The following ULK4 variants were observed in gnomAD, a reference collection of about 807,000 sequenced individuals.
The protein encoded by ULK4 is inactive serine/threonine-protein kinase ULK4.
Under a neutral mutation model 160.6 loss-of-function variants are expected in ULK4, and 133 were observed. That is an observed-to-expected ratio of 0.83 (90% CI 0.72 to 0.96). The LOEUF is 0.96. ULK4 is among the 40% of genes least tolerant of loss of function. The pLI is 0.00. For missense variants in ULK4, 1,580 were observed against 1,499.5 expected, an observed-to-expected ratio of 1.05 and a Z score of -0.89; for synonymous variants, 534 against 539.8, an observed-to-expected ratio of 0.99 and a Z score of 0.15.
intron 21 of ULK4, 56 bp from the exon 22 acceptor site, chr3:41,754,544 C>A: frequency 6.4e-7 from 1 of 1,568,100 alleles, no homozygotes; most frequent in Non-Finnish European, 8.7e-7. Context: ...AGGGCAGTCT[C>A]AATTCTCAGA....
chr3:41,594,749 T>TCAAATCTAG (rs1227632584), intron 31 of ULK4, among the ~76,000 whole-genome samples: 1 of 151,992 alleles, frequency 6.6e-6, no homozygotes, highest in Non-Finnish European at 1.5e-5. Flanking sequence ...TGTAAGAAAA[T>TCAAATCTAG]CAAATCTAGC....
intron 31 of ULK4, among the ~76,000 whole-genome samples, chr3:41,569,734 C>T (rs978561636): frequency 2.6e-5 from 4 of 152,092 alleles, no homozygotes; most frequent in Admixed American, 1.3e-4. Flanking sequence ...AAAGCTTGAT[C>T]TATGCTATCA....
intron 32 of ULK4, among the ~76,000 whole-genome samples, chr3:41,482,387 G>C (rs1210502725): frequency 6.6e-6 from 1 of 152,202 alleles, no homozygotes; most frequent in Non-Finnish European, 1.5e-5. Flanking sequence ...GGACAGGGGA[G>C]CCAGAAGCTG....
chr3:41,520,219 C>T (rs2125930904), intron 32 of ULK4, among the ~76,000 whole-genome samples: 1 of 152,160 alleles, frequency 6.6e-6, no homozygotes, highest in East Asian at 1.9e-4. Context: ...CCCCATTCTC[C>T]CTCCCCCCAG....
In ULK4 at chr3:41,810,243, G is replaced by A. The variant is rs370385317; in HGVS notation, c.1848+9180C>T. On this transcript the variant is annotated intron_variant, in intron 19 of 36. Transcript: ENST00000301831. ...TTCATTTGTTTTATTTCTTTCATGT[G>A]TCATTATTAAATCATTTAAGGCTAT... 3.3e-5 allele frequency among the ~76,000 whole-genome samples: 5 copies of A among 152,238 alleles called. No individual in the cohort carries two copies. In the East Asian group the frequency reaches 7.7e-4, roughly 23 times the overall value.
intron 34 of ULK4, among the ~76,000 whole-genome samples, chr3:41,436,631 T>C (rs1354367734): frequency 6.6e-6 from 1 of 152,186 alleles, no homozygotes; most frequent in Non-Finnish European, 1.5e-5. Flanking sequence ...GTCAATCAGC[T>C]GTACTGGGTT....
chr3:41,305,757 T>C, intron 35 of ULK4, among the ~76,000 whole-genome samples: 1 of 115,106 alleles, frequency 8.7e-6, no homozygotes, highest in Non-Finnish European at 1.6e-5. Context: ...CCGGCCGCCG[T>C]CCCACCTAGG....
intron 17 of ULK4, among the ~76,000 whole-genome samples, chr3:41,842,694 T>C (rs2041964584): frequency 6.6e-6 from 1 of 152,242 alleles, no homozygotes; most frequent in Admixed American, 6.5e-5. Context: ...AAGCAGATGC[T>C]GGCACCATGC....
chr3:41,654,541 T>C (rs2034860344), intron 30 of ULK4, among the ~76,000 whole-genome samples: 1 of 152,164 alleles, frequency 6.6e-6, no homozygotes, highest in African/African-American at 2.4e-5. Context: ...ACACCAATAA[T>C]ACATGCTGGG....
chr3:41,314,066 C>T (rs150578858), intron 35 of ULK4, among the ~76,000 whole-genome samples: 1 of 152,266 alleles, frequency 6.6e-6, no homozygotes, highest in Non-Finnish European at 1.5e-5. Context: ...TTCCAACCCC[C>T]CAGTCTTTGA....
chr3:41,269,641 A>C (rs2079104074), intron 35 of ULK4, among the ~76,000 whole-genome samples: 1 of 152,250 alleles, frequency 6.6e-6, no homozygotes, highest in African/African-American at 2.4e-5. Flanking sequence ...CAATGTATAA[A>C]GATGCAAATT....
chr3:41,812,564 G>T (rs528135870), intron 19 of ULK4, among the ~76,000 whole-genome samples: 4 of 152,208 alleles, frequency 2.6e-5, no homozygotes, highest in African/African-American at 9.6e-5. Flanking sequence ...GGAATCAAAA[G>T]ATGGGAATTT....
chr3:41,495,596 A>G (rs574099348), intron 32 of ULK4, among the ~76,000 whole-genome samples: 171 of 150,780 alleles, frequency 1.1e-3, no homozygotes, highest in African/African-American at 3.7e-3. Flanking sequence ...ATTGAACTAA[A>G]GAGCTTCTGC....
At chr3:41,590,135 T>C (rs2031171362) in intron 31 of ULK4, among the ~76,000 whole-genome samples, 1 of 151,776 alleles carries the variant, frequency 6.6e-6, no homozygotes, top group Admixed American at 6.5e-5. Flanking sequence ...CCCAAGTAGC[T>C]GGGACTACAG....
chr3:41,856,512 A>ATATAT (rs2042339374), intron 17 of ULK4, among the ~76,000 whole-genome samples: 4 of 99,186 alleles, frequency 4.0e-5, no homozygotes, highest in African/African-American at 1.4e-4. Flanking sequence ...TAAATAAATA[A>ATATAT]ATATATATAT....
At chr3:41,885,765 G>A (rs1266424210) in intron 16 of ULK4, among the ~76,000 whole-genome samples, 1 of 151,372 alleles carries the variant, frequency 6.6e-6, no homozygotes, top group Non-Finnish European at 1.5e-5. Flanking sequence ...TCACTGCAAT[G>A]CCTCCCAGGC....
At chr3:41,915,031 T>A (rs1266895295) in intron 8 of ULK4, among the ~76,000 whole-genome samples, 2 of 152,094 alleles carry the variant, frequency 1.3e-5, no homozygotes, top group Non-Finnish European at 2.9e-5. Context: ...ATATGCATAA[T>A]GTACCATGAG....
chr3:41,313,994 A>T (rs1323510616), intron 35 of ULK4, among the ~76,000 whole-genome samples: 1 of 152,152 alleles, frequency 6.6e-6, no homozygotes, highest in Non-Finnish European at 1.5e-5. Flanking sequence ...CAGGTCATGT[A>T]CAAGGGTTCC....
intron 35 of ULK4, among the ~76,000 whole-genome samples, chr3:41,358,549 G>C (rs896211641): frequency 1.3e-5 from 2 of 152,170 alleles, no homozygotes; most frequent in African/African-American, 2.4e-5. Context: ...GGAAGGAAAG[G>C]AGGAAGCTAT....
Sources: allele counts gnomAD v4.1 joint callset (sites outside exome capture counted in the v4.1 genomes callset), GRCh38; gene constraint gnomAD v4.1.1; transcripts MANE v1.5; gene names NCBI Gene and HGNC (gene_info 2026-07-23, HGNC 2026-07-21).